The following MRTFA variants were observed in gnomAD, a reference collection of about 807,000 sequenced individuals.
MRTFA encodes myocardin-related transcription factor A.
A neutral mutation model predicts 83.5 loss-of-function variants in MRTFA; 20 were observed. That is an observed-to-expected ratio of 0.24 (90% confidence interval 0.17 to 0.35). The LOEUF is 0.35. Among genes scored for constraint, MRTFA ranks in the 10% least tolerant of loss-of-function variants. The pLI is 1.00. For missense variants in MRTFA, 1,200 were observed against 1,224.7 expected (o/e 0.98, Z 0.30); for synonymous variants, 659 against 541.2 (o/e 1.22, Z -3.02).
chr22:40,459,822 CATAT>C lies in MRTFA; in HGVS notation c.307+3395_307+3398del, dbSNP rs1284924516. On this transcript the variant is annotated intron_variant, in intron 4 of 14. Coordinates refer to ENST00000355630, the MANE Select transcript of MRTFA (RefSeq NM_020831.6). ...ACACACACACACACACACACACACA[CATAT>C]ATACATATATATATATATATATATA... Among the ~76,000 whole-genome samples, 240 of 68,232 alleles carry C rather than the reference CATAT, an allele frequency of 3.5e-3. 2 individuals are homozygous for C. The highest frequency in any genetic ancestry group is 0.014 in the African/African-American group (221 of 15,498). 44.8% of individuals were successfully genotyped at this position (68,232 alleles called of 152,430 possible). A position where few individuals can be genotyped will look rare whatever the true frequency, so the allele number is the denominator to read the frequency against.
intron 4 of MRTFA, among the ~76,000 whole-genome samples, chr22:40,461,441 C>A (rs944992191): frequency 6.6e-6 from 1 of 151,620 alleles, no homozygotes; most frequent in African/African-American, 2.4e-5. Context: ...TTGCTTGAGC[C>A]CAGGAGGTTG....
intron 3 of MRTFA, among the ~76,000 whole-genome samples, chr22:40,474,436 A>C (rs1314443069): frequency 6.6e-6 from 1 of 152,240 alleles, no homozygotes; most frequent in Non-Finnish European, 1.5e-5. Context: ...TAGAGATTTC[A>C]GGGGAAGTCA....
chr22:40,494,679 TAA>T (rs35391015), intron 3 of MRTFA, among the ~76,000 whole-genome samples: 4 of 136,972 alleles, frequency 2.9e-5, no homozygotes, highest in Admixed American at 7.3e-5. Flanking sequence ...AGACTCTGTC[TAA>T]AAAAAAAAAA....
chr22:40,618,138 A>G (rs930113107), intron 1 of MRTFA, among the ~76,000 whole-genome samples: 3 of 151,504 alleles, frequency 2.0e-5, no homozygotes, highest in Admixed American at 6.6e-5. Flanking sequence ...ACACTGGCAC[A>G]ATCTCGGCTC....
intron 3 of MRTFA, among the ~76,000 whole-genome samples, chr22:40,463,950 CA>C (rs1469725940): frequency 2.6e-5 from 4 of 152,086 alleles, no homozygotes; most frequent in Non-Finnish European, 5.9e-5. Context: ...CTCTTATTTT[CA>C]CTCTGGCAAT....
chr22:40,624,646 T>G (rs1399162700), intron 1 of MRTFA, among the ~76,000 whole-genome samples: 1 of 152,084 alleles, frequency 6.6e-6, no homozygotes, highest in African/African-American at 2.4e-5. Flanking sequence ...TTCTAAGCTT[T>G]CTAAGCTCAC....
chr22:40,493,632 T>C (rs947710943), intron 3 of MRTFA, among the ~76,000 whole-genome samples: 5 of 152,226 alleles, frequency 3.3e-5, no homozygotes, highest in African/African-American at 1.2e-4. Flanking sequence ...GATTGTTACT[T>C]GGCTACTGTC....
chr22:40,544,222 A>G (rs1289505566), intron 3 of MRTFA, among the ~76,000 whole-genome samples: 5 of 152,300 alleles, frequency 3.3e-5, no homozygotes, highest in South Asian at 4.1e-4. Context: ...TTAAATTTAG[A>G]AATTCTTTTT....
intron 1 of MRTFA, among the ~76,000 whole-genome samples, chr22:40,614,403 C>A (rs2056425146): frequency 6.7e-6 from 1 of 149,442 alleles, no homozygotes; most frequent in Admixed American, 6.6e-5. Context: ...AAAGTGAGAC[C>A]CTGTCTCCAA....
chr22:40,538,460 A>T (rs1383653278), intron 3 of MRTFA, among the ~76,000 whole-genome samples: 4 of 150,676 alleles, frequency 2.7e-5, no homozygotes, highest in Non-Finnish European at 5.9e-5. Flanking sequence ...TGCCTAGGAA[A>T]ACCAGAGACC....
intron 2 of MRTFA, among the ~76,000 whole-genome samples, chr22:40,571,452 G>A (rs899546984): frequency 1.3e-5 from 2 of 152,070 alleles, no homozygotes; most frequent in African/African-American, 4.8e-5. Flanking sequence ...AAATTTTAAA[G>A]TTTTGTGCAT....
At chr22:40,459,862 T>TATATATACAC (rs796103400) in intron 4 of MRTFA, among the ~76,000 whole-genome samples, 37 of 121,496 alleles carry the variant, frequency 3.0e-4, no homozygotes, top group South Asian at 3.0e-3. Flanking sequence ...TATATATATA[T>TATATATACAC]ACACACATGA....
intron 3 of MRTFA, among the ~76,000 whole-genome samples, chr22:40,541,858 G>C (rs914658038): frequency 6.6e-6 from 1 of 152,116 alleles, no homozygotes. Context: ...AGTAGAGACA[G>C]GGTTTCACCA....
chr22:40,499,869 G>T (rs1347680672), intron 3 of MRTFA, among the ~76,000 whole-genome samples: 3 of 140,492 alleles, frequency 2.1e-5, no homozygotes, highest in Non-Finnish European at 4.6e-5. Flanking sequence ...CCAAAAACAA[G>T]TATTTAAGAA....
At chr22:40,604,375 C>T (rs369897645) in intron 1 of MRTFA, among the ~76,000 whole-genome samples, 12 of 151,894 alleles carry the variant, frequency 7.9e-5, no homozygotes, top group African/African-American at 2.9e-4. Context: ...CGTAACCCGC[C>T]CGCCTCGGCC....
intron 3 of MRTFA, chr22:40,521,733 A>G (rs2054870953): frequency 6.6e-6 from 1 of 152,084 alleles, no homozygotes; most frequent in Non-Finnish European, 1.5e-5. Context: ...CCTGATCGCA[A>G]GCGATCCACC....
At chr22:40,635,850 C>T (rs1247113222) in intron 1 of MRTFA, among the ~76,000 whole-genome samples, 1 of 152,152 alleles carries the variant, frequency 6.6e-6, no homozygotes, top group Non-Finnish European at 1.5e-5. Flanking sequence ...TAGCAAGTGG[C>T]AGGTTTGGGA....
At chr22:40,431,016 G>A (rs866854525) in intron 6 of MRTFA, among the ~76,000 whole-genome samples, 66 of 152,072 alleles carry the variant, frequency 4.3e-4, no homozygotes, top group African/African-American at 1.6e-3. Flanking sequence ...CCGAATGAAT[G>A]AATATAAAAA....
At chr22:40,435,386 C>G in intron 5 of MRTFA, 113 bp downstream of exon 5, 1 of 1,153,866 alleles carries the variant, frequency 8.7e-7, no homozygotes, top group South Asian at 1.2e-5. Flanking sequence ...TAGAGTCTAG[C>G]AGGCTCTGGC....
Sources: allele counts gnomAD v4.1 joint callset (sites outside exome capture counted in the v4.1 genomes callset), GRCh38; gene constraint gnomAD v4.1.1; transcripts MANE v1.5; gene names NCBI Gene and HGNC (gene_info 2026-07-23, HGNC 2026-07-21).